The following RAB27A variants were observed in gnomAD, a reference collection of about 807,000 sequenced individuals.
The protein encoded by RAB27A is ras-related protein Rab-27A.
A neutral mutation model predicts 20.8 loss-of-function variants in RAB27A; 17 were observed. That is an observed-to-expected ratio of 0.82 (90% CI 0.56 to 1.23). The LOEUF is 1.23. Among genes scored for constraint, RAB27A ranks in the 50% most tolerant of loss-of-function variants. The pLI is 0.00. For synonymous variants in RAB27A, 85 were observed against 92.8 expected (o/e 0.92, Z 0.48); for missense variants, 277 against 266.7 (o/e 1.04, Z -0.27).
intron 2 of RAB27A, among the ~76,000 whole-genome samples, chr15:55,305,590 G>A (rs1042408445): frequency 1.3e-5 from 2 of 152,214 alleles, no homozygotes; most frequent in Non-Finnish European, 2.9e-5. Context: ...CAAGTCCGGT[G>A]TTTTGAAGCT....
chr15:55,299,413 G>A (rs902868426), intron 2 of RAB27A, among the ~76,000 whole-genome samples: 2 of 152,022 alleles, frequency 1.3e-5, no homozygotes, highest in African/African-American at 4.8e-5. Flanking sequence ...GGCCAACATG[G>A]CAAAACCCCG....
chr15:55,258,206 AC>A (rs1373486307), intron 2 of RAB27A, among the ~76,000 whole-genome samples: 1 of 152,048 alleles, frequency 6.6e-6, no homozygotes, highest in East Asian at 1.9e-4. Context: ...TTCTCTTATT[AC>A]CCTTATCTAA....
chr15:55,291,029 C>T (rs573654958), upstream of RAB27A, among the ~76,000 whole-genome samples: 1 of 152,208 alleles, frequency 6.6e-6, no homozygotes, highest in African/African-American at 2.4e-5. Context: ...GTCCAATTTA[C>T]AAAATCACAT....
intron 2 of RAB27A, among the ~76,000 whole-genome samples, chr15:55,296,366 C>T (rs2054949614): frequency 1.3e-5 from 2 of 151,916 alleles, no homozygotes; most frequent in South Asian, 4.1e-4. Flanking sequence ...CGTGGTGGCA[C>T]ATGCCTGTGG....
chr15:55,251,417 C>T (rs147488794), intron 2 of RAB27A, among the ~76,000 whole-genome samples: 24 of 152,254 alleles, frequency 1.6e-4, no homozygotes, highest in African/African-American at 2.2e-4. Flanking sequence ...GAAGCAGCAT[C>T]GACCATGGGA....
chr15:55,227,389 G>A (rs1424860284), intron 5 of RAB27A, among the ~76,000 whole-genome samples: 2 of 152,306 alleles, frequency 1.3e-5, no homozygotes, highest in East Asian at 3.9e-4. Flanking sequence ...AACACGGGCT[G>A]AGAGTAAGAG....
Position 55,205,720 on chromosome 15 carries a change from C to A in RAB27A, c.468-15G>T. On this transcript the variant is annotated splice_polypyrimidine_tract_variant and intron_variant, in intron 6 of 6. Transcript: ENST00000336787. ...AGTAGGGGATTCTGGAAGACAGAGACAACTGAGGTAACAACATGTGGAGGG... is the reference window on the plus strand; with the variant it reads ...AGTAGGGGATTCTGGAAGACAGAGAAAACTGAGGTAACAACATGTGGAGGG... 1 of 1,599,526 alleles carries A rather than the reference C, an allele frequency of 6.3e-7. No homozygotes were observed. The highest frequency in any genetic ancestry group is 1.1e-5 in the South Asian group (1 of 90,764).
chr15:55,301,644 T>C (rs1289958304), intron 2 of RAB27A, among the ~76,000 whole-genome samples: 1 of 93,202 alleles, frequency 1.1e-5, no homozygotes, highest in Non-Finnish European at 2.2e-5. Context: ...ACCCTAAAAA[T>C]CTTTTTTTTT....
upstream of RAB27A, among the ~76,000 whole-genome samples, chr15:55,293,395 G>A (rs1431461437): frequency 6.6e-6 from 1 of 150,944 alleles, no homozygotes; most frequent in Non-Finnish European, 1.5e-5. Context: ...AAATCTATTA[G>A]TGCTAATAAA....
intron 1 of RAB27A, among the ~76,000 whole-genome samples, chr15:55,279,110 T>C (rs1433520044): frequency 1.3e-5 from 2 of 152,128 alleles, no homozygotes; most frequent in African/African-American, 4.8e-5. Flanking sequence ...AGCCAAAATA[T>C]GGCCTAGGAA....
At chr15:55,246,009 G>A (rs75622448) in intron 2 of RAB27A, among the ~76,000 whole-genome samples, 11,317 of 151,954 alleles carry the variant, frequency 0.074, 695 homozygotes, top group Admixed American at 0.18. Context: ...ACTTGAATCC[G>A]GTAGGTTCAC....
At chr15:55,264,119 T>C (rs895292276) in intron 2 of RAB27A, among the ~76,000 whole-genome samples, 1 of 152,202 alleles carries the variant, frequency 6.6e-6, no homozygotes, top group South Asian at 2.1e-4. Context: ...TGGTCCGATC[T>C]TGGCTCATTG....
At chr15:55,288,995 G>C (rs1381673866) in intron 1 of RAB27A, 1 of 152,272 alleles carries the variant, frequency 6.6e-6, no homozygotes, top group Non-Finnish European at 1.5e-5. Flanking sequence ...AAGAACAGCT[G>C]TTAAGCTGTA....
intron 1 of RAB27A, among the ~76,000 whole-genome samples, chr15:55,278,861 CCAAGT>C (rs1321811875): frequency 6.6e-6 from 1 of 152,126 alleles, no homozygotes; most frequent in Admixed American, 6.6e-5. Flanking sequence ...AAGTTCTAAG[CCAAGT>C]CATTCACTAA....
intron 6 of RAB27A, among the ~76,000 whole-genome samples, chr15:55,222,112 A>C (rs1378694030): frequency 1.3e-5 from 2 of 152,186 alleles, no homozygotes; most frequent in Non-Finnish European, 2.9e-5. Context: ...ATGCTTCTTC[A>C]AGTGAACCCT....
chr15:55,273,408 CAA>C (rs538573721), intron 1 of RAB27A, among the ~76,000 whole-genome samples: 1 of 109,682 alleles, frequency 9.1e-6, no homozygotes, highest in Admixed American at 9.1e-5. Flanking sequence ...GACTCCATCT[CAA>C]AAAAAAAAAA....
intron 2 of RAB27A, among the ~76,000 whole-genome samples, chr15:55,258,053 C>G (rs1169531126): frequency 4.6e-5 from 6 of 131,582 alleles, no homozygotes; most frequent in Non-Finnish European, 9.3e-5. Flanking sequence ...GGCGATACAG[C>G]GAGACTCAGT....
intron 1 of RAB27A, among the ~76,000 whole-genome samples, chr15:55,280,831 AT>A (rs1214615881): frequency 6.6e-6 from 1 of 152,166 alleles, no homozygotes; most frequent in Non-Finnish European, 1.5e-5. Flanking sequence ...TGCAAAGGAC[AT>A]GAACTCATCC....
At chr15:55,262,426 C>G (rs1342416111) in intron 2 of RAB27A, among the ~76,000 whole-genome samples, 1 of 151,394 alleles carries the variant, frequency 6.6e-6, no homozygotes, top group Non-Finnish European at 1.5e-5. Flanking sequence ...CCTGTAGTCT[C>G]AGGTACTCGG....
Sources: allele counts gnomAD v4.1 joint callset (sites outside exome capture counted in the v4.1 genomes callset), GRCh38; gene constraint gnomAD v4.1.1; transcripts MANE v1.5; gene names NCBI Gene and HGNC (gene_info 2026-07-23, HGNC 2026-07-21).